The following TFB1M variants were observed in gnomAD, a reference collection of about 807,000 sequenced individuals.
TFB1M encodes transcription factor B1, mitochondrial, also known as dimethyladenosine transferase 1, mitochondrial.
A neutral mutation model predicts 31.1 loss-of-function variants in TFB1M; 27 were observed. The ratio of observed to expected loss-of-function variants is 0.87; its 90% confidence interval spans 0.64 to 1.20. The LOEUF (loss-of-function observed/expected upper bound fraction) is 1.20. Among genes scored for constraint, TFB1M ranks in the 50% most tolerant of loss-of-function variants. TFB1M has a pLI of 0.00. For missense variants in TFB1M, 394 were observed against 418.7 expected (o/e 0.94, Z 0.51); for synonymous variants, 166 against 151.8 (o/e 1.09, Z -0.69).
In TFB1M at chr6:155,257,497, G is replaced by GTTAGT. The variant is rs1197276435; in HGVS notation, c.*334_*338dup. 5.9e-6 allele frequency: 2 copies of GTTAGT among 337,130 alleles called. No individual in the cohort carries two copies. The highest frequency in any genetic ancestry group is 7.1e-5 in the East Asian group (1 of 14,104). The allele number at this position is 337,130 out of a possible 1,614,324, so 20.9% of individuals were successfully genotyped here. On this transcript the variant is annotated 3_prime_UTR_variant, in exon 7 of 7. Coordinates refer to ENST00000367166, the MANE Select transcript of TFB1M (RefSeq NM_016020.4). ...TCTGGGCATTTTCTTTCAGCTGTTT[G>GTTAGT]TTAGTTTTTGCTTTATTTAAAGCAT...
At chr6:155,287,109 G>A (rs1027906080) in intron 4 of TFB1M, among the ~76,000 whole-genome samples, 2 of 151,586 alleles carry the variant, frequency 1.3e-5, no homozygotes, top group Non-Finnish European at 1.5e-5. Context: ...CACATGAAAT[G>A]AACAATTAAA....
At chr6:155,294,189 A>G (rs1777061263) in intron 4 of TFB1M, among the ~76,000 whole-genome samples, 1 of 152,202 alleles carries the variant, frequency 6.6e-6, no homozygotes, top group Non-Finnish European at 1.5e-5. Flanking sequence ...TTCACTATAC[A>G]CAGAGATCAA....
At chr6:155,233,547 A>G in the TFB1M span, among the ~76,000 whole-genome samples, 1 of 152,220 alleles carries the variant, frequency 6.6e-6, no homozygotes, top group African/African-American at 2.4e-5. Context: ...GTCCTTATCC[A>G]TACATTAAAA....
chr6:155,268,878 T>C (rs933122278), intron 5 of TFB1M, among the ~76,000 whole-genome samples: 1 of 147,736 alleles, frequency 6.8e-6, no homozygotes, highest in Non-Finnish European at 1.5e-5. Context: ...TCTGCTGACC[T>C]TCCCTCCACT....
chr6:155,262,589 A>C (rs1386635455), intron 5 of TFB1M, among the ~76,000 whole-genome samples: 1 of 152,212 alleles, frequency 6.6e-6, no homozygotes, highest in Non-Finnish European at 1.5e-5. Flanking sequence ...CTCCAGAAGA[A>C]ATACTCTTAG....
intron 2 of TFB1M, chr6:155,299,455 C>T (rs141747696): frequency 6.6e-6 from 1 of 152,224 alleles, no homozygotes; most frequent in African/African-American, 2.4e-5. Flanking sequence ...AAAACTGATT[C>T]TTGAAGTCCT....
chr6:155,291,167 T>A (rs1562412259), intron 4 of TFB1M, among the ~76,000 whole-genome samples: 1 of 152,198 alleles, frequency 6.6e-6, no homozygotes, highest in Non-Finnish European at 1.5e-5. Flanking sequence ...AGGCGCAGTC[T>A]TGTGGGACTT....
At chr6:155,283,438 TA>T (rs1201746374) in intron 5 of TFB1M, among the ~76,000 whole-genome samples, 2 of 152,094 alleles carry the variant, frequency 1.3e-5, no homozygotes, top group African/African-American at 4.8e-5. Flanking sequence ...CATCCCTCAA[TA>T]AAAAAAGGAA....
chr6:155,263,281 GTT>G (rs750757518), intron 5 of TFB1M, among the ~76,000 whole-genome samples: 3 of 152,086 alleles, frequency 2.0e-5, no homozygotes, highest in Non-Finnish European at 4.4e-5. Context: ...TCTTCCTTGA[GTT>G]TTAAGTCTAT....
intron 5 of TFB1M, among the ~76,000 whole-genome samples, chr6:155,267,976 G>A (rs1034139173): frequency 3.9e-5 from 6 of 152,152 alleles, no homozygotes; most frequent in African/African-American, 1.2e-4. Context: ...ACCAATACAA[G>A]CCCAAAGCCC....
In TFB1M at chr6:155,286,495, A is replaced by G. The variant is rs199767361; in HGVS notation, c.547-1218T>C. ...TATATATATATGTGTGTGTATATAT[A>G]TGTGTGTATATATATGTGTGTATAT... On this transcript the variant is annotated intron_variant, in intron 4 of 6. Transcript: ENST00000367166. Among the ~76,000 whole-genome samples the G allele has an allele frequency of 3.5e-4, 5 of 14,156 alleles. No individual in the cohort carries two copies. The East Asian group carries it at 0.1, about 283-fold the overall frequency. The allele number at this position is 14,156 out of a possible 152,430, so 9.3% of individuals were successfully genotyped here.
chr6:155,257,289 G>C lies in TFB1M; in HGVS notation c.*547C>G. ...AAGATTTAAGTTATTTTAATTTATTGTGGATCAGAAACCTAGATGAAACTG... is the reference window on the plus strand; with the variant it reads ...AAGATTTAAGTTATTTTAATTTATTCTGGATCAGAAACCTAGATGAAACTG... On this transcript the variant is annotated 3_prime_UTR_variant, in exon 7 of 7. Transcript: ENST00000367166. The C allele has an allele frequency of 1.3e-6, 1 of 771,996 alleles. No homozygotes were observed. The highest frequency in any genetic ancestry group is 1.9e-5 in the South Asian group (1 of 51,958). 47.8% of individuals were successfully genotyped at this position (771,996 alleles called of 1,614,324 possible).
intron 4 of TFB1M, among the ~76,000 whole-genome samples, chr6:155,290,409 A>G (rs1776862314): frequency 6.7e-6 from 1 of 149,902 alleles, no homozygotes; most frequent in East Asian, 1.9e-4. Context: ...AAAAAAAAAA[A>G]AGAAAAGAAT....
At chr6:155,247,524 C>CA in the TFB1M span, among the ~76,000 whole-genome samples, 2 of 152,126 alleles carry the variant, frequency 1.3e-5, no homozygotes, top group African/African-American at 2.4e-5. Context: ...AGACGGGTTT[C>CA]ACCATGTTGG....
chr6:155,243,874 A>ATTT, the TFB1M span: 1 of 506,298 alleles, frequency 2.0e-6, no homozygotes, highest in Non-Finnish European at 3.5e-6. Context: ...AAAAAAAAAA[A>ATTT]AAAGAATTTC....
intron 4 of TFB1M, among the ~76,000 whole-genome samples, chr6:155,296,052 C>T (rs1777155772): frequency 6.6e-6 from 1 of 152,104 alleles, no homozygotes; most frequent in Admixed American, 6.5e-5. Flanking sequence ...TAAGAGTCTG[C>T]ACATCCGTCC....
intron 5 of TFB1M, 99 bp downstream of exon 5, chr6:155,285,059 A>C: frequency 6.7e-7 from 1 of 1,502,626 alleles, no homozygotes. Flanking sequence ...GTTTGCACAT[A>C]AACAAAGGTT....
intron 5 of TFB1M, chr6:155,275,806 CTGGAAGGTGAATGTGGATG>C (rs1315551528): frequency 6.2e-7 from 1 of 1,614,000 alleles, no homozygotes; most frequent in Non-Finnish European, 8.5e-7. Flanking sequence ...TGCTGCCCAA[CTGGAAGGTGAATGTGGATG>C]TGGACTCCAA....
intron 5 of TFB1M, chr6:155,276,045 G>A (rs774848872): frequency 2.5e-6 from 4 of 1,614,152 alleles, no homozygotes; most frequent in East Asian, 2.2e-5. Context: ...CGCTTAGGAG[G>A]GGACAGAGAA....
Sources: gnomAD v4.1 joint callset for allele counts (sites outside exome capture counted in the v4.1 genomes callset) on GRCh38, gnomAD v4.1.1 for gene constraint, MANE v1.5 for transcripts, NCBI Gene and HGNC (gene_info 2026-07-23, HGNC 2026-07-21) for gene names.